The following SNTG1 variants were observed in gnomAD, a reference collection of about 807,000 sequenced individuals.
SNTG1 encodes the protein gamma-1-syntrophin.
A neutral mutation model predicts 74.7 loss-of-function variants in SNTG1; 39 were observed. The observed-to-expected ratio is 0.52, with a 90% confidence interval of 0.40 to 0.68. The LOEUF (loss-of-function observed/expected upper bound fraction) is 0.68, where lower values mean the gene tolerates loss of function less well. SNTG1 is among the 30% of genes least tolerant of loss of function. SNTG1 has a pLI of 0.00. For synonymous variants in SNTG1, 254 were observed against 217.1 expected (o/e 1.17, Z -1.49); for missense variants, 685 against 609.5 (o/e 1.12, Z -1.30).
At chr8:49,960,360 GATAATACAACAGTTA>G (rs766622453) in intron 1 of SNTG1, among the ~76,000 whole-genome samples, 33 of 152,138 alleles carry the variant, frequency 2.2e-4, no homozygotes, top group Non-Finnish European at 4.0e-4. Context: ...CAAGAGTCAA[GATAATACAACAGTTA>G]ATAATAAAGT....
intron 2 of SNTG1, among the ~76,000 whole-genome samples, chr8:50,350,039 A>G (rs1234819269): frequency 6.6e-6 from 1 of 152,120 alleles, no homozygotes; most frequent in Non-Finnish European, 1.5e-5. Context: ...CCGGCCGGGC[A>G]ATGAGGGGCT....
intron 5 of SNTG1, among the ~76,000 whole-genome samples, chr8:50,444,764 A>AAAAAAAAAAAAAG (rs71233494): frequency 2.1e-5 from 3 of 140,232 alleles, no homozygotes; most frequent in African/African-American, 2.7e-5. Context: ...AAAAAAAAAA[A>AAAAAAAAAAAAAG]AAAGAAAGAG....
intron 1 of SNTG1, among the ~76,000 whole-genome samples, chr8:49,947,352 G>A (rs1372433453): frequency 6.6e-6 from 1 of 152,114 alleles, no homozygotes; most frequent in Non-Finnish European, 1.5e-5. Flanking sequence ...TTTTCCCAGT[G>A]ATAAGATAAA....
intron 2 of SNTG1, chr8:50,381,078 G>C (rs1437396575): frequency 1.3e-5 from 2 of 152,078 alleles, no homozygotes; most frequent in Non-Finnish European, 2.9e-5. Context: ...TCAAAGATGA[G>C]GTAGGGGACA....
intron 8 of SNTG1, among the ~76,000 whole-genome samples, chr8:50,484,169 C>T (rs200931788): frequency 4.8e-4 from 41 of 86,136 alleles, no homozygotes; most frequent in African/African-American, 9.8e-4. Context: ...TCCTTCCTTC[C>T]TTCCTTCCTT....
chr8:50,473,147 A>T (rs1408851173), intron 8 of SNTG1, among the ~76,000 whole-genome samples: 1 of 152,170 alleles, frequency 6.6e-6, no homozygotes, highest in Non-Finnish European at 1.5e-5. Context: ...AGGTAACTGA[A>T]TTATGGGGGT....
intron 15 of SNTG1, among the ~76,000 whole-genome samples, chr8:50,667,275 G>GT (rs1333653389): frequency 2.0e-5 from 3 of 152,134 alleles, no homozygotes; most frequent in South Asian, 4.1e-4. Flanking sequence ...AGAAACTATT[G>GT]TAAGAACGCC....
chr8:50,381,323 T>C (rs930998007), intron 2 of SNTG1, among the ~76,000 whole-genome samples: 22 of 151,904 alleles, frequency 1.4e-4, no homozygotes, highest in African/African-American at 5.1e-4. Flanking sequence ...ACTATGTAAT[T>C]GTTCCTGCAT....
rs1476041276 is a variant in SNTG1 at position 50,687,156 on chromosome 8, A to AT, written c.1039-17444_1039-17443insT. Among the ~76,000 whole-genome samples, 226 of 146,180 alleles carry AT rather than the reference A, an allele frequency of 1.5e-3. 5 individuals carry two copies. Among genetic ancestry groups the AT allele is most frequent in the Admixed American group, 2.4e-3 (35 of 14,738 alleles). ...GACTCCGTCTCAAAAAAAAAAAATA[A>AT]AATAAACATGAAAACAATTCAAAAC... On this transcript the variant is annotated intron_variant, in intron 15 of 18. Coordinates refer to ENST00000642720, the MANE Select transcript of SNTG1 (RefSeq NM_018967.5).
chr8:50,222,388 A>T (rs1286661548), intron 2 of SNTG1, among the ~76,000 whole-genome samples: 1 of 152,172 alleles, frequency 6.6e-6, no homozygotes, highest in East Asian at 1.9e-4. Context: ...TGGAGGTTAA[A>T]GGCACATCTC....
intron 18 of SNTG1, among the ~76,000 whole-genome samples, chr8:50,781,484 T>C (rs1007297997): frequency 1.5e-5 from 2 of 134,386 alleles, no homozygotes; most frequent in Non-Finnish European, 3.3e-5. Flanking sequence ...CTTTTGATCT[T>C]TGTTGGTTTA....
intron 1 of SNTG1, among the ~76,000 whole-genome samples, chr8:49,955,058 A>T (rs1810037654): frequency 6.6e-6 from 1 of 152,158 alleles, no homozygotes; most frequent in African/African-American, 2.4e-5. Flanking sequence ...AATATTAGGT[A>T]TCTTTAGTGT....
At chr8:49,948,753 G>A (rs1435878696) in intron 1 of SNTG1, among the ~76,000 whole-genome samples, 5 of 152,146 alleles carry the variant, frequency 3.3e-5, no homozygotes, top group East Asian at 1.9e-4. Flanking sequence ...GGCAAAATTA[G>A]TGAGAAGGAT....
intron 8 of SNTG1, among the ~76,000 whole-genome samples, chr8:50,484,157 C>T (rs202202904): frequency 0.13 from 3,472 of 26,890 alleles, 158 homozygotes; most frequent in African/African-American, 0.2. Flanking sequence ...TCTTTCCTTC[C>T]TTCCTTCCTT....
intron 1 of SNTG1, among the ~76,000 whole-genome samples, chr8:50,157,722 G>T (rs1016358726): frequency 6.6e-6 from 1 of 152,038 alleles, no homozygotes; most frequent in African/African-American, 2.4e-5. Flanking sequence ...CAAGAATTCA[G>T]CCAAGGAAAC....
chr8:50,453,895 G>A (rs2093478733), intron 8 of SNTG1, among the ~76,000 whole-genome samples: 1 of 152,156 alleles, frequency 6.6e-6, no homozygotes. Flanking sequence ...AACAATTCCA[G>A]TGAGGAGTTG....
chr8:50,555,868 G>A (rs1187314863), intron 12 of SNTG1, among the ~76,000 whole-genome samples: 3 of 152,102 alleles, frequency 2.0e-5, no homozygotes, highest in South Asian at 2.1e-4. Context: ...TTATTGTAAA[G>A]CTAGTTGGAG....
At chr8:50,315,796 A>G (rs1188457833) in intron 2 of SNTG1, among the ~76,000 whole-genome samples, 2 of 152,156 alleles carry the variant, frequency 1.3e-5, no homozygotes, top group Non-Finnish European at 2.9e-5. Flanking sequence ...TGCTATTGTT[A>G]TTCCCACCAT....
chr8:49,929,534 C>T (rs1210643312), intron 1 of SNTG1, among the ~76,000 whole-genome samples: 1 of 152,138 alleles, frequency 6.6e-6, no homozygotes, highest in East Asian at 1.9e-4. Flanking sequence ...TCAGGGACAT[C>T]CTCTGACCCA....
Sources: allele counts gnomAD v4.1 joint callset (sites outside exome capture counted in the v4.1 genomes callset), GRCh38; gene constraint gnomAD v4.1.1; transcripts MANE v1.5; gene names NCBI Gene and HGNC (gene_info 2026-07-23, HGNC 2026-07-21).